The following TRIP12 variants were observed in gnomAD, a reference collection of about 807,000 sequenced individuals.
TRIP12 encodes the protein E3 ubiquitin-protein ligase TRIP12.
Under a neutral mutation model 244.2 loss-of-function variants are expected in TRIP12, and 25 were observed. That is an observed-to-expected ratio of 0.10 (90% CI 0.07 to 0.14). TRIP12 has a LOEUF of 0.14. Among genes scored for constraint, TRIP12 ranks in the 10% least tolerant of loss-of-function variants. The pLI is 1.00. For synonymous variants in TRIP12, 905 were observed against 873.1 expected (o/e 1.04, Z -0.64); for missense variants, 1,677 against 2,486.4 (o/e 0.67, Z 6.92).
chr2:229,782,559 G>C (rs529593473), intron 34 of TRIP12, among the ~76,000 whole-genome samples: 1 of 152,286 alleles, frequency 6.6e-6, no homozygotes, highest in East Asian at 1.9e-4. Flanking sequence ...TTTGAGTGCA[G>C]AGACTCTGCC....
In TRIP12 at chr2:229,859,567, T is replaced by C; in HGVS notation, c.232A>G (p.Ser78Gly). The change falls in exon 4 of 42, where the codon AGT becomes GGT. Residue 78 changes from serine to glycine, a missense_variant. Transcript: ENST00000675903. ...GGAACTATCACAGCAGATGATGAAC[T>C]GCAGCTTCTAAGAGGTTAGATAAGA... ...SRGHLSKRSCSSSSAVIVPQP... is the reference protein window; with the variant it reads ...SRGHLSKRSCGSSSAVIVPQP... 1 of 1,611,578 alleles carries C rather than the reference T, an allele frequency of 6.2e-7. No homozygotes were observed.
intron 25 of TRIP12, 67 bp downstream of exon 25, chr2:229,796,524 G>A (rs759613265): frequency 5.2e-6 from 7 of 1,341,006 alleles, no homozygotes; most frequent in Non-Finnish European, 6.9e-6. Flanking sequence ...TTATTACTGA[G>A]ATGAAAATAT....
intron 7 of TRIP12, among the ~76,000 whole-genome samples, chr2:229,830,326 G>A (rs1193521809): frequency 1.3e-5 from 2 of 152,150 alleles, no homozygotes; most frequent in East Asian, 3.8e-4. Context: ...CTTGGTGATG[G>A]CCTTGAGCAG....
At chr2:229,853,430 C>T (rs2059074910) in intron 4 of TRIP12, among the ~76,000 whole-genome samples, 2 of 152,104 alleles carry the variant, frequency 1.3e-5, no homozygotes, top group South Asian at 2.1e-4. Flanking sequence ...CTGGGCGAGG[C>T]GGGCAGATCA....
At chr2:229,873,597 C>T (rs2063069619) in intron 2 of TRIP12, among the ~76,000 whole-genome samples, 2 of 152,160 alleles carry the variant, frequency 1.3e-5, no homozygotes, top group Non-Finnish European at 1.5e-5. Flanking sequence ...AAAGTTAACA[C>T]AGACTTTTCT....
chr2:229,777,758 A>C (rs907478345), intron 36 of TRIP12, among the ~76,000 whole-genome samples: 4 of 152,250 alleles, frequency 2.6e-5, no homozygotes, highest in African/African-American at 4.8e-5. Flanking sequence ...AACTAAATGG[A>C]ACTTCTAAAA....
chr2:229,817,327 G>A (rs2048747265), intron 9 of TRIP12, among the ~76,000 whole-genome samples: 2 of 152,064 alleles, frequency 1.3e-5, no homozygotes, highest in Admixed American at 6.5e-5. Flanking sequence ...TTTGTCTTTT[G>A]GTAGTGTTTG....
intron 4 of TRIP12, among the ~76,000 whole-genome samples, chr2:229,844,060 A>T (rs2057071369): frequency 6.6e-6 from 1 of 152,354 alleles, no homozygotes; most frequent in African/African-American, 2.4e-5. Context: ...TTAAAACTGT[A>T]TGTATCCAGT....
At chr2:229,922,770 G>A (rs866074670), upstream of TRIP12, among the ~76,000 whole-genome samples, 1 of 152,304 alleles carries the variant, frequency 6.6e-6, no homozygotes, top group African/African-American at 2.4e-5. Flanking sequence ...CGGCCTCCTC[G>A]GTCCGACGGC....
At chr2:229,866,970 T>C (rs866032463) in intron 2 of TRIP12, among the ~76,000 whole-genome samples, 2 of 152,078 alleles carry the variant, frequency 1.3e-5, no homozygotes, top group Non-Finnish European at 2.9e-5. Context: ...AACATGGAGA[T>C]ACATCAGAAA....
At chr2:229,862,265 A>G (rs1013713593) in intron 2 of TRIP12, among the ~76,000 whole-genome samples, 3 of 152,198 alleles carry the variant, frequency 2.0e-5, no homozygotes, top group African/African-American at 7.2e-5. Flanking sequence ...TTAGAGATTT[A>G]ATTTCTAAGA....
chr2:229,892,810 G>A (rs1159827155), intron 1 of TRIP12, among the ~76,000 whole-genome samples: 2 of 152,070 alleles, frequency 1.3e-5, no homozygotes, highest in Non-Finnish European at 2.9e-5. Context: ...AGACTGCAGT[G>A]GGCTGAGATT....
intron 32 of TRIP12, among the ~76,000 whole-genome samples, chr2:229,788,206 AT>A (rs1378508340): frequency 1.3e-5 from 2 of 152,212 alleles, no homozygotes; most frequent in Non-Finnish European, 2.9e-5. Flanking sequence ...CTGATATTTA[AT>A]TTTTAAAATC....
intron 21 of TRIP12, among the ~76,000 whole-genome samples, chr2:229,799,667 G>C (rs923017633): frequency 6.6e-6 from 1 of 151,832 alleles, no homozygotes; most frequent in African/African-American, 2.4e-5. Context: ...CTCAGCTACT[G>C]AGGAGGCTGA....
chr2:229,895,362 A>G (rs748382847), intron 1 of TRIP12, among the ~76,000 whole-genome samples: 3 of 152,102 alleles, frequency 2.0e-5, no homozygotes, highest in African/African-American at 7.2e-5. Context: ...AAATTCATAT[A>G]TAAGTTTAAA....
intron 41 of TRIP12, among the ~76,000 whole-genome samples, 186 bp from the exon 42 acceptor site, chr2:229,767,936 A>G (rs913734805): frequency 3.9e-5 from 6 of 152,208 alleles, no homozygotes; most frequent in African/African-American, 1.4e-4. Context: ...AACTCGCTGT[A>G]TAACATGGAG....
intron 1 of TRIP12, among the ~76,000 whole-genome samples, chr2:229,915,329 A>G (rs973439289): frequency 2.6e-5 from 4 of 152,208 alleles, no homozygotes; most frequent in Non-Finnish European, 2.9e-5. Context: ...AAAGAGTAAC[A>G]AAATGGCTTG....
chr2:229,900,286 T>C (rs980680442), intron 1 of TRIP12, among the ~76,000 whole-genome samples: 1 of 152,250 alleles, frequency 6.6e-6, no homozygotes, highest in African/African-American at 2.4e-5. Context: ...TGAAATGAAT[T>C]TGGCATCTTC....
intron 4 of TRIP12, among the ~76,000 whole-genome samples, chr2:229,843,462 C>T (rs2056940514): frequency 6.6e-6 from 1 of 152,222 alleles, no homozygotes; most frequent in Non-Finnish European, 1.5e-5. Context: ...CATGGTGGCT[C>T]ATGCCTGTAA....
Sources: gnomAD v4.1 joint callset for allele counts (sites outside exome capture counted in the v4.1 genomes callset) on GRCh38, gnomAD v4.1.1 for gene constraint, MANE v1.5 for transcripts, NCBI Gene and HGNC (gene_info 2026-07-23, HGNC 2026-07-21) for gene names.